TMEM107: variants seen among roughly 807,000 people sequenced by gnomAD.
TMEM107 encodes transmembrane protein 107.
In TMEM107, 18 loss-of-function variants were observed where a neutral mutation model predicts 16.8. The ratio of observed to expected loss-of-function variants is 1.07; its 90% CI spans 0.74 to 1.59. TMEM107 has a LOEUF of 1.59. Among genes scored for constraint, TMEM107 ranks in the 40% most tolerant of loss-of-function variants. TMEM107 has a pLI of 0.00. For synonymous variants in TMEM107, 68 were observed against 71.6 expected (o/e 0.95, Z 0.25); for missense variants, 152 against 175.4 (o/e 0.87, Z 0.75).
Position 8,173,486 on chromosome 17 carries a change from C to A in TMEM107, c.*717G>T. On this transcript the variant is annotated 3_prime_UTR_variant, in exon 5 of 5. Transcript: ENST00000437139. ...AGGAGCAATCAGGGTGTTGCAAGTC[C>A]TGATTACGCAGAGACGTTAATCACG... is the stretch of plus-strand genomic sequence containing the variant. 1.3e-6 allele frequency: 1 copy of A among 765,008 alleles called. No homozygotes were observed. Among genetic ancestry groups the A allele is most frequent in the Non-Finnish European group, 2.4e-6 (1 of 418,004 alleles). The allele number at this position is 765,008 out of a possible 1,614,324, so 47.4% of individuals were successfully genotyped here.
chr17:8,174,547 G>A lies in TMEM107; in HGVS notation c.326C>T (p.Thr109Met), dbSNP rs1371849426. The change falls in exon 4 of 5, where the codon ACG (threonine) becomes ATG (methionine). Residue 109 changes from threonine (T) to methionine (M), a missense_variant. Thr to Met is a moderately conservative substitution (Grantham distance 81). Transcript: ENST00000437139. ...GCAGAAGACAAAAATGTACCAATAC[G>A]TAGTGCACTCCCAACGCTCGAATAT... is the stretch of plus-strand genomic sequence containing the variant. The part of the protein sequence containing the change: ...FFIFERWECT[T>M]YWYIFVFCSA... 2 of 1,614,090 alleles carry A rather than the reference G, an allele frequency of 1.2e-6. No individual in the cohort carries two copies. Among genetic ancestry groups the A allele is most frequent in the Non-Finnish European group, 8.5e-7 (1 of 1,179,996 alleles).
In TMEM107 at chr17:8,173,636, C is replaced by G. The variant is rs141196199; in HGVS notation, c.*567G>C. On this transcript the variant is annotated 3_prime_UTR_variant, in exon 5 of 5. Transcript: ENST00000437139. Reference sequence around the variant, plus strand: ...GCACTCAGTGAAAAAGATTCCGTTACAAGCTAGGGTGAGTTCATAACGCGC... The same window carrying G: ...GCACTCAGTGAAAAAGATTCCGTTAGAAGCTAGGGTGAGTTCATAACGCGC... 46 of 742,286 alleles carry G rather than the reference C, an allele frequency of 6.2e-5. No homozygotes were observed. Among genetic ancestry groups the G allele is most frequent in the African/African-American group, 5.6e-4 (33 of 58,754 alleles). 46.0% of individuals were successfully genotyped at this position (742,286 alleles called of 1,614,324 possible).
Position 8,173,563 on chromosome 17 carries a change from A to G in TMEM107, c.*640T>C. ...CTAATCTGCCCTCCGGAGGAGGAAC[A>G]GGTAAGGATTATCCCACCTGACGAT... On this transcript the variant is annotated 3_prime_UTR_variant, in exon 5 of 5. Coordinates refer to ENST00000437139, the MANE Select transcript of TMEM107 (RefSeq NM_183065.4). 1 of 765,332 alleles carries G rather than the reference A, an allele frequency of 1.3e-6. No homozygotes were observed. Among genetic ancestry groups the G allele is most frequent in the Non-Finnish European group, 2.4e-6 (1 of 417,964 alleles). 47.4% of individuals were successfully genotyped at this position (765,332 alleles called of 1,614,324 possible).
Position 8,173,364 on chromosome 17 carries a change from C to T in TMEM107, c.*839G>A, listed in dbSNP as rs75491512. The T allele has an allele frequency of 0.011, 6,997 of 635,242 alleles. 165 individuals are homozygous for T. The highest frequency in any genetic ancestry group is 0.073 in the East Asian group (2,714 of 37,136). The allele number at this position is 635,242 out of a possible 1,614,324, so 39.4% of individuals were successfully genotyped here. On this transcript the variant is annotated 3_prime_UTR_variant, in exon 5 of 5. Coordinates refer to ENST00000437139, the MANE Select transcript of TMEM107 (RefSeq NM_183065.4). ...ATAGCAAGACTGCAAAATAGACAAA[C>T]AGCAAGGTTATCCCAGTCAGAACTT... is the stretch of plus-strand genomic sequence containing the variant.
rs576373675 is a variant in TMEM107, at chr17:8,173,070, T to C, written c.*1133A>G. On this transcript the variant is annotated 3_prime_UTR_variant, in exon 5 of 5. Transcript: ENST00000437139. Reference sequence around the variant, plus strand: ...ACATCTGCGCCGTGCACTCCTGCCTTGGCGACAGACCAAGACCCTACCTCA... The same window carrying C: ...ACATCTGCGCCGTGCACTCCTGCCTCGGCGACAGACCAAGACCCTACCTCA... Among the ~76,000 whole-genome samples, 6 of 152,206 alleles carry C rather than the reference T, an allele frequency of 3.9e-5. No individual in the cohort carries two copies. The highest frequency in any genetic ancestry group is 1.4e-4 in the African/African-American group (6 of 41,538).
chr17:8,175,614 TA>T, intron 3 of TMEM107, 142 bp downstream of exon 3: 1 of 832,546 alleles, frequency 1.2e-6, no homozygotes, highest in African/African-American at 1.6e-5. Flanking sequence ...TTTAAGTGCC[TA>T]GTAAACAGCA....
At position 8,173,516 on chromosome 17, in the gene TMEM107, A is replaced by G. The variant is rs754874209; in HGVS notation, c.*687T>C. On this transcript the variant is annotated 3_prime_UTR_variant, in exon 5 of 5. Coordinates refer to ENST00000437139, the MANE Select transcript of TMEM107 (RefSeq NM_183065.4). ...TACGCAGAGACGTTAATCACGTTTC[A>G]TGCATCTCCAATCATCATGTTCTAA... The G allele has an allele frequency of 1.3e-5, 10 of 765,308 alleles. No individual in the cohort carries two copies. The highest frequency in any genetic ancestry group is 6.7e-5 in the South Asian group (5 of 74,626). 47.4% of individuals were successfully genotyped at this position (765,308 alleles called of 1,614,324 possible).
intron 3 of TMEM107, chr17:8,175,414 T>C: frequency 1.9e-6 from 1 of 530,394 alleles, no homozygotes; most frequent in Non-Finnish European, 3.4e-6. Flanking sequence ...CTTATCACAC[T>C]GAATTACAGA....
At chr17:8,174,783 A>G in intron 3 of TMEM107, 167 bp from the exon 4 acceptor site, 3 of 643,614 alleles carry the variant, frequency 4.7e-6, no homozygotes, top group South Asian at 3.6e-5. Context: ...TAGGACAGTC[A>G]TGTGAGGAGA....
At chr17:8,174,709 G>T in intron 3 of TMEM107, 93 bp from the exon 4 acceptor site, 2 of 1,079,648 alleles carry the variant, frequency 1.9e-6, no homozygotes, top group Non-Finnish European at 2.8e-6. Flanking sequence ...CTGCATTCAG[G>T]TTCATCCCTT....
At position 8,173,866 on chromosome 17, in the gene TMEM107, C is replaced by T; in HGVS notation, c.*337G>A. The T allele has an allele frequency of 4.1e-6, 2 of 489,310 alleles. No homozygotes were observed. The highest frequency in any genetic ancestry group is 7.3e-6 in the Non-Finnish European group (2 of 275,024). The allele number at this position is 489,310 out of a possible 1,614,324, so 30.3% of individuals were successfully genotyped here. On this transcript the variant is annotated 3_prime_UTR_variant, in exon 5 of 5. Coordinates refer to ENST00000437139, the MANE Select transcript of TMEM107 (RefSeq NM_183065.4). ...TCCGCCCACTCCCTTCCGCCAGGCACCTACCGTAGTAACCAAAATAGAAGC... is the reference window on the plus strand; with the variant it reads ...TCCGCCCACTCCCTTCCGCCAGGCATCTACCGTAGTAACCAAAATAGAAGC...
In TMEM107 at chr17:8,173,411, C is replaced by G. The variant is rs551988180; in HGVS notation, c.*792G>C. On this transcript the variant is annotated 3_prime_UTR_variant, in exon 5 of 5. Transcript: ENST00000437139. ...ACTTCATAGCTATGTTTGTGGATAT[C>G]TGCTAATCAGCATAACACAAATGTA... The G allele has an allele frequency of 2.7e-5, 20 of 742,622 alleles. No homozygotes were observed. In the East Asian group the frequency reaches 3.0e-4, roughly 11 times the overall value. The allele number at this position is 742,622 out of a possible 1,614,324, so 46.0% of individuals were successfully genotyped here.
Position 8,173,385 on chromosome 17 carries a change from A to C in TMEM107, c.*818T>G. 4 of 688,592 alleles carry C rather than the reference A, an allele frequency of 5.8e-6. No individual in the cohort carries two copies. Among genetic ancestry groups the C allele is most frequent in the Non-Finnish European group, 1.1e-5 (4 of 372,256 alleles). 42.7% of individuals were successfully genotyped at this position (688,592 alleles called of 1,614,324 possible). On this transcript the variant is annotated 3_prime_UTR_variant, in exon 5 of 5. Transcript: ENST00000437139. Reference sequence around the variant, plus strand: ...CAAACAGCAAGGTTATCCCAGTCAGAACTTCATAGCTATGTTTGTGGATAT... The same window carrying C: ...CAAACAGCAAGGTTATCCCAGTCAGCACTTCATAGCTATGTTTGTGGATAT...
At position 8,172,877 on chromosome 17, in the gene TMEM107, C is replaced by CAAAAAAAAAAAAAAAAAA; in HGVS notation, c.*1325_*1326insTTTTTTTTTTTTTTTTTT. Among the ~76,000 whole-genome samples the CAAAAAAAAAAAAAAAAAA allele has an allele frequency of 1.9e-5, 2 of 104,980 alleles. 1 individual carries two copies. Among genetic ancestry groups the CAAAAAAAAAAAAAAAAAA allele is most frequent in the Non-Finnish European group, 3.7e-5 (2 of 54,304 alleles). 68.9% of individuals were successfully genotyped at this position (104,980 alleles called of 152,430 possible). ...TCTCAAAAAAAAAAAAAAAAAAAAC[C>CAAAAAAAAAAAAAAAAAA]AAAAGAGGGGGGTGGTCAACATACC... On this transcript the variant is annotated 3_prime_UTR_variant, in exon 5 of 5. Transcript: ENST00000437139.
chr17:8,173,442 T>C lies in TMEM107; in HGVS notation c.*761A>G, dbSNP rs142700905. 599 of 761,282 alleles carry C rather than the reference T, an allele frequency of 7.9e-4. 3 individuals are homozygous for C. The highest frequency in any genetic ancestry group is 7.4e-3 in the African/African-American group (436 of 59,190). 47.2% of individuals were successfully genotyped at this position (761,282 alleles called of 1,614,324 possible). A position where few individuals can be genotyped will look rare whatever the true frequency, so the allele number is the denominator to read the frequency against. On this transcript the variant is annotated 3_prime_UTR_variant, in exon 5 of 5. Coordinates refer to ENST00000437139, the MANE Select transcript of TMEM107 (RefSeq NM_183065.4). ...ATCAGCATAACACAAATGTAAGTGA[T>C]CGTCAGAAAGAATCAGACAGGAGCA...
At position 8,173,583 on chromosome 17, in the gene TMEM107, G is replaced by A. The variant is rs374740618; in HGVS notation, c.*620C>T. On this transcript the variant is annotated 3_prime_UTR_variant, in exon 5 of 5. Transcript: ENST00000437139. ...GGAACAGGTAAGGATTATCCCACCT[G>A]ACGATACAGACAAACAGCCGACATT... The A allele has an allele frequency of 1.8e-4, 137 of 764,294 alleles. 1 individual carries two copies. Among genetic ancestry groups the A allele is most frequent in the South Asian group, 6.2e-4 (46 of 74,480 alleles). The allele number at this position is 764,294 out of a possible 1,614,324, so 47.3% of individuals were successfully genotyped here. A position where few individuals can be genotyped will look rare whatever the true frequency, so the allele number is the denominator to read the frequency against.
At chr17:8,175,938 C>T (rs1368978789) in intron 2 of TMEM107, 21 bp downstream of exon 2, 1 of 1,614,206 alleles carries the variant, frequency 6.2e-7, no homozygotes, top group Admixed American at 1.7e-5. Flanking sequence ...TCGTTCTGGC[C>T]ACCCCGTCCC....
In TMEM107 at chr17:8,176,011, C is replaced by G; in HGVS notation, c.103G>C (p.Ala35Pro). The G allele has an allele frequency of 6.2e-7, 1 of 1,614,176 alleles. No individual in the cohort carries two copies. Among genetic ancestry groups the G allele is most frequent in the Non-Finnish European group, 8.5e-7 (1 of 1,180,034 alleles). The change falls in exon 2 of 5, where the codon GCC becomes CCC. Residue 35 changes from alanine (A) to proline (P), a missense_variant. By Grantham distance (27) the Ala-to-Pro change is conservative (BLOSUM62 -1). Transcript: ENST00000437139. ...GGGGTGAACGTGAGAGGCAGGCAGGCCTGTATGTTGCTGTCCTGGGAGCAG... is the reference window on the plus strand; with the variant it reads ...GGGGTGAACGTGAGAGGCAGGCAGGGCTGTATGTTGCTGTCCTGGGAGCAG... ...LFWSRDSNIQ[A>P]CLPLTFTPEE... is the part of the protein sequence containing the mutation.
Position 8,174,656 on chromosome 17 carries a change from C to CA in TMEM107, c.257-41dup, listed in dbSNP as rs755457315. The CA allele has an allele frequency of 3.2e-6, 5 of 1,583,956 alleles. No homozygotes were observed. The African/African-American group carries it at 5.4e-5, about 17-fold the overall frequency. ...AGATTAAGGAAAGTCTTTGGATCGA[C>CA]AGACAGTGATGGGTCAGAAAAGGCC... is the stretch of plus-strand genomic sequence containing the variant. On this transcript the variant is annotated intron_variant, in intron 3 of 4. Coordinates refer to ENST00000437139, the MANE Select transcript of TMEM107 (RefSeq NM_183065.4).
Sources: gnomAD v4.1 joint callset for allele counts (sites outside exome capture counted in the v4.1 genomes callset) on GRCh38, gnomAD v4.1.1 for gene constraint, MANE v1.5 for transcripts, NCBI Gene and HGNC (gene_info 2026-07-23, HGNC 2026-07-21) for gene names.